The following PITPNC1 variants were observed in gnomAD, a reference collection of about 807,000 sequenced individuals.
PITPNC1 encodes the protein cytoplasmic phosphatidylinositol transfer protein 1.
Under a neutral mutation model 44.7 loss-of-function variants are expected in PITPNC1, and 18 were observed. The observed-to-expected ratio is 0.40, with a 90% CI of 0.28 to 0.60. The LOEUF is 0.60. PITPNC1 is among the 20% of genes least tolerant of loss of function. The pLI is 0.39. For synonymous variants in PITPNC1, 141 were observed against 149.6 expected (o/e 0.94, Z 0.42); for missense variants, 290 against 418.4 (o/e 0.69, Z 2.68).
intron 1 of PITPNC1, among the ~76,000 whole-genome samples, chr17:67,504,142 A>C (rs2040071305): frequency 6.6e-6 from 1 of 152,068 alleles, no homozygotes; most frequent in African/African-American, 2.4e-5. Context: ...CAGCATGTCA[A>C]AGCACCCTAT....
At chr17:67,428,465 A>G (rs1177612296) in intron 1 of PITPNC1, among the ~76,000 whole-genome samples, 1 of 151,890 alleles carries the variant, frequency 6.6e-6, no homozygotes, top group Admixed American at 6.6e-5. Flanking sequence ...CCTTGAGCCC[A>G]GGAGGATGAG....
At chr17:67,537,038 A>T (rs1196216602) in intron 2 of PITPNC1, among the ~76,000 whole-genome samples, 1 of 152,232 alleles carries the variant, frequency 6.6e-6, no homozygotes, top group Non-Finnish European at 1.5e-5. Flanking sequence ...AGACATGAAA[A>T]TACTATATAA....
intron 8 of PITPNC1, chr17:67,687,027 T>C (rs1209933933): frequency 2.6e-6 from 3 of 1,137,826 alleles, no homozygotes; most frequent in African/African-American, 3.0e-5. Flanking sequence ...AAAGTTTGCA[T>C]CTAATAACGG....
At chr17:67,385,792 AATAG>A (rs1598602058) in intron 1 of PITPNC1, among the ~76,000 whole-genome samples, 1 of 152,176 alleles carries the variant, frequency 6.6e-6, no homozygotes, top group East Asian at 1.9e-4. Context: ...AGGGCGGGTA[AATAG>A]ATTTGTGCAA....
chr17:67,612,673 G>A (rs201615680), intron 5 of PITPNC1: 4 of 23,452 alleles, frequency 1.7e-4, no homozygotes, highest in African/African-American at 4.7e-4. Context: ...ATGGATGGGC[G>A]GATGGATGGA....
At chr17:67,636,574 C>T (rs149064112) in intron 6 of PITPNC1, among the ~76,000 whole-genome samples, 100 of 152,270 alleles carry the variant, frequency 6.6e-4, no homozygotes, top group African/African-American at 2.2e-3. Flanking sequence ...ACCTGGCAGC[C>T]GGACCACAAA....
In PITPNC1 at chr17:67,696,082, G is replaced by A. The variant is rs1181745541; in HGVS notation, c.*3194G>A. On this transcript the variant is annotated 3_prime_UTR_variant, in exon 9 of 9. Transcript: ENST00000581322. The stretch of plus-strand genomic sequence containing the variant: ...TTATCAAGGCTTCTGTTACGGTTTT[G>A]CATCTGTGTGTGAGGAAAATTTTAA... 6.6e-6 allele frequency: 1 copy of A among 152,060 alleles called. No individual in the cohort carries two copies. Among genetic ancestry groups the A allele is most frequent in the Non-Finnish European group, 1.5e-5 (1 of 68,034 alleles). 9.4% of individuals were successfully genotyped at this position (152,060 alleles called of 1,614,324 possible).
chr17:67,680,774 G>A (rs964886030), intron 8 of PITPNC1, among the ~76,000 whole-genome samples: 1 of 152,136 alleles, frequency 6.6e-6, no homozygotes, highest in Non-Finnish European at 1.5e-5. Context: ...TCATTGTAAA[G>A]GGTTTAAAAA....
chr17:67,680,629 G>A (rs2042686013), intron 8 of PITPNC1, among the ~76,000 whole-genome samples: 1 of 151,208 alleles, frequency 6.6e-6, no homozygotes, highest in South Asian at 2.1e-4. Flanking sequence ...CACAACTATA[G>A]ATTACAGTTC....
At chr17:67,431,510 G>A (rs1226366572) in intron 1 of PITPNC1, among the ~76,000 whole-genome samples, 2 of 152,164 alleles carry the variant, frequency 1.3e-5, no homozygotes, top group Non-Finnish European at 2.9e-5. Flanking sequence ...TTCCTTGATA[G>A]TACAATGAGT....
intron 1 of PITPNC1, among the ~76,000 whole-genome samples, chr17:67,469,071 A>G (rs1244675184): frequency 6.6e-6 from 1 of 152,140 alleles, no homozygotes; most frequent in Admixed American, 6.5e-5. Flanking sequence ...ATCTGGGAGA[A>G]TGTCTGGATG....
At chr17:67,521,978 C>T (rs2040330648) in intron 1 of PITPNC1, among the ~76,000 whole-genome samples, 1 of 152,092 alleles carries the variant, frequency 6.6e-6, no homozygotes, top group Admixed American at 6.6e-5. Context: ...GGGAGCATCA[C>T]CGACAGGAAT....
rs1305039513 is a variant in PITPNC1 at position 67,377,628 on chromosome 17, A to G, written c.-527A>G. 1 of 152,570 alleles carries G rather than the reference A, an allele frequency of 6.6e-6. No homozygotes were observed. The highest frequency in any genetic ancestry group is 1.5e-5 in the Non-Finnish European group (1 of 68,136). 9.5% of individuals were successfully genotyped at this position (152,570 alleles called of 1,614,324 possible). ...GAAGCCGATCGAGCCTTTGTCTGGA[A>G]AGTCAGCATCTCCGGCTCCGGCTGC... is the stretch of plus-strand genomic sequence containing the variant. On this transcript the variant is annotated 5_prime_UTR_variant, in exon 1 of 9. Coordinates refer to ENST00000581322, the MANE Select transcript of PITPNC1 (RefSeq NM_012417.4).
intron 6 of PITPNC1, among the ~76,000 whole-genome samples, chr17:67,661,140 G>A (rs943309462): frequency 9.3e-5 from 14 of 150,994 alleles, no homozygotes; most frequent in African/African-American, 2.9e-4. Flanking sequence ...GAGCCACCAC[G>A]CCCAGTCGAA....
At chr17:67,504,911 G>A (rs1426588708) in intron 1 of PITPNC1, among the ~76,000 whole-genome samples, 1 of 152,108 alleles carries the variant, frequency 6.6e-6, no homozygotes, top group Non-Finnish European at 1.5e-5. Flanking sequence ...CCTTAGCTGT[G>A]TCACTTAAGT....
intron 1 of PITPNC1, among the ~76,000 whole-genome samples, chr17:67,459,113 C>CTTTTTTTTTTTTTTTT (rs886333854): frequency 7.3e-5 from 7 of 95,722 alleles, no homozygotes; most frequent in East Asian, 2.8e-4. Flanking sequence ...TTTTCTTTTT[C>CTTTTTTTTTTTTTTTT]TTTTTTTTTT....
chr17:67,642,335 G>A (rs999331098), intron 6 of PITPNC1, among the ~76,000 whole-genome samples: 1 of 152,142 alleles, frequency 6.6e-6, no homozygotes, highest in African/African-American at 2.4e-5. Context: ...GACTCTACCT[G>A]TGACCTCACC....
chr17:67,608,079 C>T (rs1237206777), intron 5 of PITPNC1, among the ~76,000 whole-genome samples: 1 of 152,062 alleles, frequency 6.6e-6, no homozygotes, highest in Non-Finnish European at 1.5e-5. Context: ...CAAGGGCTTT[C>T]CCTTACGTAA....
intron 4 of PITPNC1, among the ~76,000 whole-genome samples, chr17:67,569,773 G>A (rs2041027113): frequency 1.3e-5 from 2 of 152,128 alleles, no homozygotes; most frequent in Non-Finnish European, 2.9e-5. Flanking sequence ...TCCTAACACT[G>A]CTACTGTTTT....
Sources: gnomAD v4.1 joint callset for allele counts (sites outside exome capture counted in the v4.1 genomes callset) on GRCh38, gnomAD v4.1.1 for gene constraint, MANE v1.5 for transcripts, NCBI Gene and HGNC (gene_info 2026-07-23, HGNC 2026-07-21) for gene names.